CCDC14: variants seen among roughly 807,000 people sequenced by gnomAD.
CCDC14 encodes coiled-coil domain containing 14.
Under a neutral mutation model 81.4 loss-of-function variants are expected in CCDC14, and 71 were observed. The ratio of observed to expected loss-of-function variants is 0.87; its 90% CI spans 0.72 to 1.06. The LOEUF (loss-of-function observed/expected upper bound fraction) is 1.06, where lower values mean the gene tolerates loss of function less well. Among genes scored for constraint, CCDC14 ranks in the 50% least tolerant of loss-of-function variants. The pLI is 0.00. For missense variants in CCDC14, 1,046 were observed against 1,047.3 expected, an observed-to-expected ratio of 1.00 and a Z score of 0.02; for synonymous variants, 332 against 364.8, an observed-to-expected ratio of 0.91 and a Z score of 1.03.
At chr3:123,954,489 C>T (rs2037215405) in intron 5 of CCDC14, 2 of 152,134 alleles carry the variant, frequency 1.3e-5, no homozygotes, top group South Asian at 4.1e-4. Flanking sequence ...ATAATACAAA[C>T]CATATATGTA....
rs745561683 is a variant in CCDC14 at position 123,915,241 on chromosome 3, C to T, written c.2256G>A (p.Gln752=). 1 of 1,613,774 alleles carries T rather than the reference C, an allele frequency of 6.2e-7. No homozygotes were observed. The highest frequency in any genetic ancestry group is 8.5e-7 in the Non-Finnish European group (1 of 1,179,902). Residue 752 remains glutamine (Q), a synonymous_variant, in exon 13 of 13, where the codon CAG becomes CAA. Transcript: ENST00000409697. ...GTGTTGTAGCTGCTCTTATTTGTGG[C>T]TGAGGGGATAGTCTCTTAGAAAGTG... ...KSPLSKRLSP[Q]PQIRAATTQL...
intron 1 of CCDC14, among the ~76,000 whole-genome samples, chr3:123,959,290 T>C (rs920107322): frequency 6.6e-6 from 1 of 152,212 alleles, no homozygotes; most frequent in Admixed American, 6.5e-5. Flanking sequence ...TTCCACATCC[T>C]TGCCAACACT....
intron 5 of CCDC14, among the ~76,000 whole-genome samples, chr3:123,907,935 TTA>T: frequency 6.6e-6 from 1 of 152,036 alleles, no homozygotes; most frequent in Non-Finnish European, 1.5e-5. Context: ...TGTACTCTTC[TTA>T]GTTTCTGCAA....
chr3:123,925,519 T>C (rs1021119563), intron 12 of CCDC14, among the ~76,000 whole-genome samples: 4 of 152,134 alleles, frequency 2.6e-5, no homozygotes, highest in African/African-American at 9.7e-5. Context: ...CATCGCAACC[T>C]CTGCCTCCTG....
At chr3:123,917,744 G>C (rs1478485799) in intron 12 of CCDC14, among the ~76,000 whole-genome samples, 1 of 151,892 alleles carries the variant, frequency 6.6e-6, no homozygotes, top group Admixed American at 6.6e-5. Context: ...TGGTGGGAGT[G>C]TACAGTGGTA....
downstream of CCDC14, among the ~76,000 whole-genome samples, chr3:123,896,683 G>T (rs2034070611): frequency 6.6e-6 from 1 of 152,098 alleles, no homozygotes; most frequent in African/African-American, 2.4e-5. Context: ...AAAAAGATCA[G>T]TTCCTTGATC....
chr3:123,916,392 T>C (rs2034690590), intron 12 of CCDC14, among the ~76,000 whole-genome samples: 1 of 151,750 alleles, frequency 6.6e-6, no homozygotes, highest in Non-Finnish European at 1.5e-5. Flanking sequence ...AAAGGTAGGC[T>C]AAGATACAAA....
intron 5 of CCDC14, among the ~76,000 whole-genome samples, chr3:123,906,240 G>A (rs1171163465): frequency 2.0e-5 from 3 of 152,106 alleles, no homozygotes; most frequent in African/African-American, 7.2e-5. Flanking sequence ...TGAGGCAGGA[G>A]AATGGCGTGA....
chr3:123,905,436 A>C (rs1577203282), intron 5 of CCDC14, among the ~76,000 whole-genome samples: 1 of 152,164 alleles, frequency 6.6e-6, no homozygotes, highest in Admixed American at 6.5e-5. Flanking sequence ...GCCTTACGGC[A>C]GGGCTTGAAG....
chr3:123,916,132 G>A (rs980688711), intron 12 of CCDC14, among the ~76,000 whole-genome samples: 5 of 151,836 alleles, frequency 3.3e-5, no homozygotes, highest in Non-Finnish European at 5.9e-5. Flanking sequence ...CCGAGTAGCT[G>A]GGATTACAGG....
chr3:123,936,720 CAGAAAAG>C (rs2036076060), intron 9 of CCDC14, among the ~76,000 whole-genome samples: 8 of 151,932 alleles, frequency 5.3e-5, no homozygotes, highest in African/African-American at 1.9e-4. Flanking sequence ...GGGAGAAAAG[CAGAAAAG>C]ATAACTATTG....
chr3:123,898,805 G>A (rs1389678582), intron 5 of CCDC14, among the ~76,000 whole-genome samples: 4 of 151,804 alleles, frequency 2.6e-5, no homozygotes, highest in Non-Finnish European at 4.4e-5. Flanking sequence ...CTCATGCCTC[G>A]GCCTCCTGAG....
intron 12 of CCDC14, among the ~76,000 whole-genome samples, chr3:123,923,400 C>T (rs2035163435): frequency 6.6e-6 from 1 of 151,932 alleles, no homozygotes; most frequent in Non-Finnish European, 1.5e-5. Context: ...CTCACCACTT[C>T]TTTTCAACAT....
intron 5 of CCDC14, among the ~76,000 whole-genome samples, chr3:123,951,108 AAC>A (rs1448003639): frequency 2.6e-5 from 4 of 152,198 alleles, no homozygotes; most frequent in African/African-American, 9.6e-5. Context: ...TTAGCTGAGT[AAC>A]CTTGCGCAAA....
chr3:123,935,529 A>C lies in CCDC14; in HGVS notation c.1344-1774T>G, dbSNP rs904312230. On this transcript the variant is annotated intron_variant, in intron 9 of 12. Transcript: ENST00000409697. ...AGTTGGAAACAACTTAAAATGCTACATAAATTATGGTACATCCATATATGA... is the reference window on the plus strand; with the variant it reads ...AGTTGGAAACAACTTAAAATGCTACCTAAATTATGGTACATCCATATATGA... Among the ~76,000 whole-genome samples, 5 of 152,382 alleles carry C rather than the reference A, an allele frequency of 3.3e-5. No homozygotes were observed. The South Asian group carries it at 1.0e-3, about 32-fold the overall frequency.
At chr3:123,911,578 CTTTA>C (rs563540752), downstream of CCDC14, among the ~76,000 whole-genome samples, 813 of 152,236 alleles carry the variant, frequency 5.3e-3, 7 homozygotes, top group African/African-American at 0.018. Flanking sequence ...CCTTACCCTG[CTTTA>C]TTTTTCTTCA....
intron 12 of CCDC14, among the ~76,000 whole-genome samples, chr3:123,922,381 T>C (rs1019203564): frequency 6.6e-6 from 1 of 152,026 alleles, no homozygotes; most frequent in African/African-American, 2.4e-5. Flanking sequence ...GCAAGAAATA[T>C]ATGAAATAGA....
At position 123,915,685 on chromosome 3, in the gene CCDC14, G is replaced by A. The variant is rs201965890; in HGVS notation, c.1812C>T (p.Ser604=). ...TLQTSMAKLL[S]DLSVDSARCK... ...AGCGAGCACTGTCCACACTAAGATC[G>A]GAGAGAAGCTTTGCCATGCTAGTCT... The change falls in exon 13 of 13, where the codon TCC becomes TCT. Residue 604 remains serine, a synonymous_variant. Coordinates refer to ENST00000409697, the MANE Select transcript of CCDC14 (RefSeq NM_001366335.1). 10 of 1,612,812 alleles carry A rather than the reference G, an allele frequency of 6.2e-6. No homozygotes were observed. The highest frequency in any genetic ancestry group is 1.1e-5 in the South Asian group (1 of 90,670).
Position 123,923,260 on chromosome 3 carries a change from C to T in CCDC14, c.1779-7542G>A, listed in dbSNP as rs567487944. Among the ~76,000 whole-genome samples the T allele has an allele frequency of 2.5e-4, 38 of 151,890 alleles. No homozygotes were observed. In the South Asian group the frequency reaches 2.9e-3, roughly 12 times the overall value. On this transcript the variant is annotated intron_variant, in intron 12 of 12. Transcript: ENST00000409697. ...TCATGAAAAAACTCTCAAAAGATTC[C>T]GTATAGAAGGAATGTACCTTAACAC...
Sources: gnomAD v4.1 joint callset for allele counts (sites outside exome capture counted in the v4.1 genomes callset) on GRCh38, gnomAD v4.1.1 for gene constraint, MANE v1.5 for transcripts, NCBI Gene and HGNC (gene_info 2026-07-23, HGNC 2026-07-21) for gene names.